The following BOP1 variants were observed in gnomAD, a reference collection of about 807,000 sequenced individuals.
BOP1 encodes BOP1 ribosomal biogenesis factor, also known as ribosome biogenesis protein BOP1.
A neutral mutation model predicts 82.9 loss-of-function variants in BOP1; 54 were observed. That is an observed-to-expected ratio of 0.65 (90% CI 0.52 to 0.82). The LOEUF is 0.82. Among genes scored for constraint, BOP1 ranks in the 40% least tolerant of loss-of-function variants. BOP1 has a pLI of 0.00. For synonymous variants in BOP1, 566 were observed against 451.1 expected (o/e 1.25, Z -3.23); for missense variants, 1,170 against 1,072.0 (o/e 1.09, Z -1.28).
intron 3 of BOP1, among the ~76,000 whole-genome samples, chr8:144,272,169 C>T (rs1355654403): frequency 3.9e-5 from 6 of 152,128 alleles, no homozygotes; most frequent in Non-Finnish European, 8.8e-5. Context: ...CCAAACACCC[C>T]CCACCGACAC....
intron 3 of BOP1, among the ~76,000 whole-genome samples, chr8:144,272,066 C>T (rs1442280910): frequency 1.3e-5 from 2 of 152,146 alleles, no homozygotes; most frequent in Admixed American, 1.3e-4. Flanking sequence ...TAGCTGTTCC[C>T]AGGCAGAGCA....
At chr8:144,267,375 C>T (rs1173041955) in intron 3 of BOP1, among the ~76,000 whole-genome samples, 2 of 152,082 alleles carry the variant, frequency 1.3e-5, no homozygotes, top group Non-Finnish European at 2.9e-5. Context: ...GGACACTCGG[C>T]TCCCAGTGGA....
intron 3 of BOP1, among the ~76,000 whole-genome samples, chr8:144,271,525 CG>C (rs1320253793): frequency 1.3e-5 from 2 of 152,118 alleles, no homozygotes; most frequent in Admixed American, 6.5e-5. Flanking sequence ...CCGCCTGTCT[CG>C]GAGCGCCACA....
At chr8:144,273,276 G>A (rs1307270003) in intron 3 of BOP1, among the ~76,000 whole-genome samples, 12 of 152,322 alleles carry the variant, frequency 7.9e-5, no homozygotes, top group African/African-American at 2.6e-4. Context: ...AGGGGACCAC[G>A]GGCTCTGGAC....
Position 144,262,334 on chromosome 8 carries a change from G to T in BOP1, c.2088-17C>A. 5.0e-6 allele frequency: 8 copies of T among 1,612,790 alleles called. 1 individual carries two copies. The Admixed American group carries it at 1.3e-4, about 27-fold the overall frequency. ...AGAAGGTCACTGTGGGGACGAGGAG[G>T]GCTCAGGGCACGGCCAGACACCACT... On this transcript the variant is annotated splice_polypyrimidine_tract_variant and intron_variant, in intron 15 of 15. Coordinates refer to ENST00000569669, the MANE Select transcript of BOP1 (RefSeq NM_015201.5).
chr8:144,277,274 G>A (rs1845582119), intron 2 of BOP1, among the ~76,000 whole-genome samples: 2 of 152,302 alleles, frequency 1.3e-5, no homozygotes, highest in South Asian at 4.1e-4. Flanking sequence ...CAGGAACAAG[G>A]AAGGATTCAG....
chr8:144,273,390 A>G (rs60257564), intron 3 of BOP1, among the ~76,000 whole-genome samples: 133,305 of 149,928 alleles, frequency 0.89, 59,921 homozygotes, highest in Non-Finnish European at 0.97. Flanking sequence ...CAGACTCCAG[A>G]CTCCAGTGGA....
intron 3 of BOP1, among the ~76,000 whole-genome samples, chr8:144,269,084 C>T (rs1048968153): frequency 6.6e-6 from 1 of 152,158 alleles, no homozygotes; most frequent in Non-Finnish European, 1.5e-5. Flanking sequence ...GACCCCTGGC[C>T]ATCCTCCTCC....
At chr8:144,269,495 C>T (rs1304147714) in intron 3 of BOP1, among the ~76,000 whole-genome samples, 1 of 152,210 alleles carries the variant, frequency 6.6e-6, no homozygotes, top group Non-Finnish European at 1.5e-5. Context: ...CAGGGAATGG[C>T]GGAGCAGGAA....
intron 3 of BOP1, chr8:144,266,835 C>CCGGCAG: frequency 7.6e-7 from 1 of 1,310,330 alleles, no homozygotes; most frequent in Non-Finnish European, 9.8e-7. Flanking sequence ...GCCGTGAGCC[C>CCGGCAG]CGGCAGCGGC....
chr8:144,284,452 C>T (rs892160210), intron 2 of BOP1, among the ~76,000 whole-genome samples: 5 of 152,320 alleles, frequency 3.3e-5, no homozygotes, highest in African/African-American at 1.2e-4. Flanking sequence ...TGAGGCCGAG[C>T]TGCCAGGCAC....
chr8:144,268,452 A>ATAT (rs1845432683), intron 3 of BOP1: 1 of 538,060 alleles, frequency 1.9e-6, no homozygotes, highest in African/African-American at 1.9e-5. Context: ...AAAATTTTGT[A>ATAT]TAATTAAAAA....
intron 3 of BOP1, chr8:144,268,073 G>A (rs947174777): frequency 1.0e-5 from 16 of 1,549,742 alleles, no homozygotes; most frequent in Admixed American, 7.8e-5. Flanking sequence ...GGGCTCTGCC[G>A]GGGCCTGACA....
At position 144,291,382 on chromosome 8, in the gene BOP1, C is replaced by G; in HGVS notation, c.-12G>C. On this transcript the variant is annotated 5_prime_UTR_variant, in exon 1 of 16. Coordinates refer to ENST00000569669, the MANE Select transcript of BOP1 (RefSeq NM_015201.5). The surrounding 1 kb of genome is among the most constrained non-coding windows in gnomAD (Gnocchi z 4.1). ...CGCGAACCCGCCATGCCCCACCGCG[C>G]GCCGGCCGCCACCCGCACAGCCGCT... The G allele has an allele frequency of 8.4e-7, 1 of 1,190,518 alleles. No individual in the cohort carries two copies. Among genetic ancestry groups the G allele is most frequent in the Non-Finnish European group, 1.0e-6 (1 of 965,904 alleles). 73.7% of individuals were successfully genotyped at this position (1,190,518 alleles called of 1,614,324 possible). A position where few individuals can be genotyped will look rare whatever the true frequency, so the allele number is the denominator to read the frequency against.
At chr8:144,281,033 A>ATACCAGGTCTTCGGGCTTCTCTCACTTTC (rs1845664992) in intron 2 of BOP1, among the ~76,000 whole-genome samples, 1 of 52,642 alleles carries the variant, frequency 1.9e-5, no homozygotes, top group African/African-American at 8.4e-5. Flanking sequence ...CTCTCACTTT[A>ATACCAGGTCTTCGGGCTTCTCTCACTTTC]ATACCAGGTC....
At chr8:144,273,688 G>C (rs1845528542) in intron 3 of BOP1, among the ~76,000 whole-genome samples, 4 of 152,230 alleles carry the variant, frequency 2.6e-5, no homozygotes, top group Non-Finnish European at 2.9e-5. Flanking sequence ...CTCCCCGGGG[G>C]TCCCAGCGGC....
At chr8:144,273,388 A>G (rs1262643753) in intron 3 of BOP1, among the ~76,000 whole-genome samples, 1 of 149,248 alleles carries the variant, frequency 6.7e-6, no homozygotes, top group Non-Finnish European at 1.5e-5. Context: ...CCCAGACTCC[A>G]GACTCCAGTG....
chr8:144,270,585 G>A (rs982287030), intron 3 of BOP1, among the ~76,000 whole-genome samples: 1 of 152,120 alleles, frequency 6.6e-6, no homozygotes, highest in Non-Finnish European at 1.5e-5. Context: ...GCCAGCAAGA[G>A]GGGAGGGGCG....
intron 2 of BOP1, among the ~76,000 whole-genome samples, chr8:144,277,890 T>C (rs1331514820): frequency 3.4e-5 from 3 of 88,610 alleles, no homozygotes; most frequent in Admixed American, 1.5e-4. Flanking sequence ...GCAGATGCTG[T>C]GGGGCATTGA....
Sources: allele counts gnomAD v4.1 joint callset (sites outside exome capture counted in the v4.1 genomes callset), GRCh38; gene constraint gnomAD v4.1.1; non-coding constraint Gnocchi (gnomAD v3.1); transcripts MANE v1.5; gene names NCBI Gene and HGNC (gene_info 2026-07-23, HGNC 2026-07-21).